The following H2AC6 variants were observed in gnomAD, a reference collection of about 807,000 sequenced individuals.
H2AC6 encodes histone H2A type 1-C.
H2AC6 carries 5 observed loss-of-function variants against 6.8 expected under a neutral mutation model. That is an observed-to-expected ratio of 0.73 (90% CI 0.38 to 1.54). The LOEUF (loss-of-function observed/expected upper bound fraction) is 1.54, where lower values mean the gene tolerates loss of function less well. Ranked by LOEUF, H2AC6 falls within the 40% of genes most tolerant of loss-of-function variation. The pLI is 0.03. For missense variants in H2AC6, 154 were observed against 180.7 expected, an observed-to-expected ratio of 0.85 and a Z score of 0.85; for synonymous variants, 146 against 79.2, an observed-to-expected ratio of 1.84 and a Z score of -4.48.
rs755055774 is a variant in H2AC6 at position 26,124,529 on chromosome 6, C to T, written c.297C>T (p.Gly99=). The T allele has an allele frequency of 3.7e-6, 6 of 1,614,226 alleles. No individual in the cohort carries two copies. Among genetic ancestry groups the T allele is most frequent in the East Asian group, 2.2e-5 (1 of 44,886 alleles). ...RNDEELNKLL[G]RVTIAQGGVL... is the part of the protein sequence containing the mutation. ...ACGAGGAGCTCAACAAACTGCTAGG[C>T]CGGGTGACCATTGCTCAGGGCGGCG... The change falls in exon 1 of 1, where the codon GGC becomes GGT. Residue 99 remains glycine, a synonymous_variant. Coordinates refer to ENST00000377791, the MANE Select transcript of H2AC6 (RefSeq NM_003512.4).
In H2AC6 at chr6:26,124,666, A is replaced by G. The variant is rs1210310331; in HGVS notation, c.*41A>G. On this transcript the variant is annotated 3_prime_UTR_variant, in exon 1 of 1. Transcript: ENST00000377791. The stretch of plus-strand genomic sequence containing the variant: ...AGCTCCCGGAAACGCTATCAAACCC[A>G]AAGGCTCTTTTCAGAGCCCCCCTAC... The G allele has an allele frequency of 6.3e-7, 1 of 1,590,732 alleles. No individual in the cohort carries two copies. Among genetic ancestry groups the G allele is most frequent in the Non-Finnish European group, 8.6e-7 (1 of 1,166,192 alleles).
rs1441120045 is a variant in H2AC6, at chr6:26,124,174, TTTTG to T, written c.-51_-48del. 3.9e-6 allele frequency: 6 copies of T among 1,523,916 alleles called. No individual in the cohort carries two copies. Among genetic ancestry groups the T allele is most frequent in the African/African-American group, 1.4e-5 (1 of 71,870 alleles). The allele number at this position is 1,523,916 out of a possible 1,614,324, so 94.4% of individuals were successfully genotyped here. A position where few individuals can be genotyped will look rare whatever the true frequency, so the allele number is the denominator to read the frequency against. Reference sequence around the variant, plus strand: ...CGGCCATGTTTTACATATTTCTTGATTTTGTTTGTTTTCTCGTGAGCTTAGGCCG... The same window carrying T: ...CGGCCATGTTTTACATATTTCTTGATTTTGTTTTCTCGTGAGCTTAGGCCG... On this transcript the variant is annotated 5_prime_UTR_variant, in exon 1 of 1. Coordinates refer to ENST00000377791, the MANE Select transcript of H2AC6 (RefSeq NM_003512.4).
Position 26,124,199 on chromosome 6 carries a change from G to T in H2AC6, c.-34G>T. ...TTTTGTTTGTTTTCTCGTGAGCTTA[G>T]GCCGCTGGTTTTGGTGATTTTTGTC... On this transcript the variant is annotated 5_prime_UTR_variant, in exon 1 of 1. It adds an upstream start codon to the 5' untranslated region. Coordinates refer to ENST00000377791, the MANE Select transcript of H2AC6 (RefSeq NM_003512.4). 4.5e-6 allele frequency: 7 copies of T among 1,549,498 alleles called. No individual in the cohort carries two copies. The highest frequency in any genetic ancestry group is 6.1e-6 in the Non-Finnish European group (7 of 1,149,942).
rs1279514390 is a variant in H2AC6 at position 26,124,271 on chromosome 6, C to G, written c.39C>G (p.Ala13=). The change falls in exon 1 of 1, where the codon GCC becomes GCG. Residue 13 remains alanine (A), a synonymous_variant. Transcript: ENST00000377791. The part of the protein sequence containing the change: ...GRGKQGGKAR[A]KAKSRSSRAG... Reference sequence around the variant, plus strand: ...GTAAGCAAGGAGGCAAAGCTCGCGCCAAAGCGAAATCCCGCTCTTCTCGCG... The same window carrying G: ...GTAAGCAAGGAGGCAAAGCTCGCGCGAAAGCGAAATCCCGCTCTTCTCGCG... 1.2e-6 allele frequency: 2 copies of G among 1,607,822 alleles called. No homozygotes were observed. The highest frequency in any genetic ancestry group is 2.7e-5 in the African/African-American group (2 of 74,668).
chr6:26,124,574 C>A lies in H2AC6; in HGVS notation c.342C>A (p.Ala114=). Residue 114 remains alanine, a synonymous_variant, in exon 1 of 1, where the codon GCC becomes GCA. Transcript: ENST00000377791. ...GCGGCGTCCTTCCTAACATCCAGGC[C>A]GTGCTTCTGCCTAAGAAGACCGAGA... is the stretch of plus-strand genomic sequence containing the variant. ...AQGGVLPNIQ[A]VLLPKKTESH... is the part of the protein sequence containing the mutation. The A allele has an allele frequency of 6.2e-7, 1 of 1,614,180 alleles. No homozygotes were observed. The highest frequency in any genetic ancestry group is 8.5e-7 in the Non-Finnish European group (1 of 1,180,020).
chr6:26,124,317 G>A lies in H2AC6; in HGVS notation c.85G>A (p.Gly29Ser). 1 of 1,613,814 alleles carries A rather than the reference G, an allele frequency of 6.2e-7. No homozygotes were observed. Among genetic ancestry groups the A allele is most frequent in the South Asian group, 1.1e-5 (1 of 91,062 alleles). Residue 29 changes from glycine (G) to serine (S), a missense_variant, in exon 1 of 1, where the codon GGC becomes AGC. By Grantham distance (56) the Gly-to-Ser change is moderately conservative. Around this residue, in one of 2 missense-constraint regions of H2AC6, gnomAD observed 111 missense variants for 91.9 expected, o/e 1.21. Coordinates refer to ENST00000377791, the MANE Select transcript of H2AC6 (RefSeq NM_003512.4). ...TCGCGCTGGTCTCCAGTTCCCGGTG[G>A]GCCGAGTGCACCGCCTGCTCCGTAA... ...SSRAGLQFPV[G>S]RVHRLLRKGN...
rs374937474 is a variant in H2AC6 at position 26,124,200 on chromosome 6, G to C, written c.-33G>C. 2.6e-6 allele frequency: 4 copies of C among 1,549,818 alleles called. No homozygotes were observed. The highest frequency in any genetic ancestry group is 4.1e-5 in the Admixed American group (2 of 49,284). Reference sequence around the variant, plus strand: ...TTTGTTTGTTTTCTCGTGAGCTTAGGCCGCTGGTTTTGGTGATTTTTGTCT... The same window carrying C: ...TTTGTTTGTTTTCTCGTGAGCTTAGCCCGCTGGTTTTGGTGATTTTTGTCT... On this transcript the variant is annotated 5_prime_UTR_variant, in exon 1 of 1. Coordinates refer to ENST00000377791, the MANE Select transcript of H2AC6 (RefSeq NM_003512.4).
Position 26,124,659 on chromosome 6 carries a change from C to T in H2AC6, c.*34C>T. 1 of 1,597,912 alleles carries T rather than the reference C, an allele frequency of 6.3e-7. No homozygotes were observed. The highest frequency in any genetic ancestry group is 8.5e-7 in the Non-Finnish European group (1 of 1,170,018). On this transcript the variant is annotated 3_prime_UTR_variant, in exon 1 of 1. Transcript: ENST00000377791. Reference sequence around the variant, plus strand: ...GTATCTGAGCTCCCGGAAACGCTATCAAACCCAAAGGCTCTTTTCAGAGCC... The same window carrying T: ...GTATCTGAGCTCCCGGAAACGCTATTAAACCCAAAGGCTCTTTTCAGAGCC...
At position 26,124,339 on chromosome 6, in the gene H2AC6, G is replaced by C; in HGVS notation, c.107G>C (p.Arg36Pro). ...GTGGGCCGAGTGCACCGCCTGCTCC[G>C]TAAAGGCAACTACGCAGAGCGGGTT... is the stretch of plus-strand genomic sequence containing the variant. ...FPVGRVHRLL[R>P]KGNYAERVGA... is the part of the protein sequence containing the mutation. Residue 36 changes from arginine to proline, a missense_variant, in exon 1 of 1, where the codon CGT becomes CCT. Physicochemically the swap from Arg to Pro is moderately radical, Grantham distance 103. Coordinates refer to ENST00000377791, the MANE Select transcript of H2AC6 (RefSeq NM_003512.4). The C allele has an allele frequency of 1.2e-6, 2 of 1,614,084 alleles. No homozygotes were observed. Among genetic ancestry groups the C allele is most frequent in the Non-Finnish European group, 1.7e-6 (2 of 1,179,982 alleles).
chr6:26,124,388 G>GT lies in H2AC6; in HGVS notation c.156_157insT (p.Ala53CysfsTer59). On this transcript the variant is annotated frameshift_variant, in exon 1 of 1. Coordinates refer to ENST00000377791, the MANE Select transcript of H2AC6 (RefSeq NM_003512.4). LOFTEE classifies it high-confidence loss of function. ...TTGGGGCAGGCGCGCCGGTGTACCT[G>GT]GCGGCGGTGTTAGAGTACCTGACCG... 1 of 1,614,154 alleles carries GT rather than the reference G, an allele frequency of 6.2e-7. No homozygotes were observed. Among genetic ancestry groups the GT allele is most frequent in the Non-Finnish European group, 8.5e-7 (1 of 1,180,016 alleles).
At position 26,124,257 on chromosome 6, in the gene H2AC6, G is replaced by A. The variant is rs1763580001; in HGVS notation, c.25G>A (p.Gly9Ser). MSGRGKQG[G>S]KARAKAKSRS... is the part of the protein sequence containing the mutation. Reference sequence around the variant, plus strand: ...AATGTCTGGACGTGGTAAGCAAGGAGGCAAAGCTCGCGCCAAAGCGAAATC... The same window carrying A: ...AATGTCTGGACGTGGTAAGCAAGGAAGCAAAGCTCGCGCCAAAGCGAAATC... Residue 9 changes from glycine to serine, a missense_variant, in exon 1 of 1, where the codon GGC becomes AGC. By Grantham distance (56) the Gly-to-Ser change is moderately conservative (BLOSUM62 0). This residue lies in a region of H2AC6 where 111 missense variants were observed against 91.9 expected (regional missense o/e 1.21). Transcript: ENST00000377791. 1.2e-6 allele frequency: 2 copies of A among 1,603,126 alleles called. No individual in the cohort carries two copies. The highest frequency in any genetic ancestry group is 1.1e-5 in the South Asian group (1 of 89,510).
At position 26,124,356 on chromosome 6, in the gene H2AC6, G is replaced by C. The variant is rs1185622425; in HGVS notation, c.124G>C (p.Glu42Gln). 1 of 1,614,154 alleles carries C rather than the reference G, an allele frequency of 6.2e-7. No individual in the cohort carries two copies. The highest frequency in any genetic ancestry group is 8.5e-7 in the Non-Finnish European group (1 of 1,180,022). The stretch of plus-strand genomic sequence containing the variant: ...CCTGCTCCGTAAAGGCAACTACGCA[G>C]AGCGGGTTGGGGCAGGCGCGCCGGT... ...HRLLRKGNYA[E>Q]RVGAGAPVYL... The change falls in exon 1 of 1, where the codon GAG (glutamate) becomes CAG (glutamine). Residue 42 changes from glutamate (E) to glutamine (Q), a missense_variant. By Grantham distance (29) the Glu-to-Gln change is conservative (BLOSUM62 2). This residue lies in a region of H2AC6 where 111 missense variants were observed against 91.9 expected (regional missense o/e 1.21). Transcript: ENST00000377791.
Position 26,124,568 on chromosome 6 carries a change from C to A in H2AC6, c.336C>A (p.Ile112=). 6.2e-7 allele frequency: 1 copy of A among 1,614,210 alleles called. No individual in the cohort carries two copies. Among genetic ancestry groups the A allele is most frequent in the Non-Finnish European group, 8.5e-7 (1 of 1,180,022 alleles). Residue 112 remains isoleucine, a synonymous_variant, in exon 1 of 1, where the codon ATC becomes ATA. Transcript: ENST00000377791. ...TIAQGGVLPN[I]QAVLLPKKTE... ...CTCAGGGCGGCGTCCTTCCTAACAT[C>A]CAGGCCGTGCTTCTGCCTAAGAAGA...
In H2AC6 at chr6:26,124,602, C is replaced by T; in HGVS notation, c.370C>T (p.His124Tyr). The change falls in exon 1 of 1, where the codon CAC becomes TAC. Residue 124 changes from histidine to tyrosine, a missense_variant. Around this residue, in one of 2 missense-constraint regions of H2AC6, gnomAD observed 43 missense variants for 88.7 expected, o/e 0.48. Coordinates refer to ENST00000377791, the MANE Select transcript of H2AC6 (RefSeq NM_003512.4). ...AVLLPKKTES[H>Y]HKAKGK Reference sequence around the variant, plus strand: ...GCTTCTGCCTAAGAAGACCGAGAGTCACCACAAGGCCAAGGGCAAGTGATT... The same window carrying T: ...GCTTCTGCCTAAGAAGACCGAGAGTTACCACAAGGCCAAGGGCAAGTGATT... 6.2e-7 allele frequency: 1 copy of T among 1,614,020 alleles called. No homozygotes were observed. Among genetic ancestry groups the T allele is most frequent in the South Asian group, 1.1e-5 (1 of 91,074 alleles).
At position 26,124,190 on chromosome 6, in the gene H2AC6, G is replaced by T; in HGVS notation, c.-43G>T. The stretch of plus-strand genomic sequence containing the variant: ...ATTTCTTGATTTTGTTTGTTTTCTC[G>T]TGAGCTTAGGCCGCTGGTTTTGGTG... On this transcript the variant is annotated 5_prime_UTR_variant, in exon 1 of 1. Transcript: ENST00000377791. The T allele has an allele frequency of 6.5e-7, 1 of 1,531,694 alleles. No individual in the cohort carries two copies. The highest frequency in any genetic ancestry group is 8.8e-7 in the Non-Finnish European group (1 of 1,142,828). 94.9% of individuals were successfully genotyped at this position (1,531,694 alleles called of 1,614,324 possible). A position where few individuals can be genotyped will look rare whatever the true frequency, so the allele number is the denominator to read the frequency against.
chr6:26,124,277 G>T lies in H2AC6; in HGVS notation c.45G>T (p.Ala15=). ...AAGGAGGCAAAGCTCGCGCCAAAGC[G>T]AAATCCCGCTCTTCTCGCGCTGGTC... ...GKQGGKARAK[A]KSRSSRAGLQ... is the part of the protein sequence containing the mutation. Residue 15 remains alanine (A), a synonymous_variant, in exon 1 of 1, where the codon GCG becomes GCT. Coordinates refer to ENST00000377791, the MANE Select transcript of H2AC6 (RefSeq NM_003512.4). 6.2e-7 allele frequency: 1 copy of T among 1,609,698 alleles called. No individual in the cohort carries two copies. The highest frequency in any genetic ancestry group is 2.2e-5 in the East Asian group (1 of 44,864).
rs368501447 is a variant in H2AC6, at chr6:26,124,195, C to T, written c.-38C>T. The T allele has an allele frequency of 4.1e-5, 63 of 1,548,132 alleles. No homozygotes were observed. Among genetic ancestry groups the T allele is most frequent in the South Asian group, 3.9e-4 (31 of 80,250 alleles). The stretch of plus-strand genomic sequence containing the variant: ...TTGATTTTGTTTGTTTTCTCGTGAG[C>T]TTAGGCCGCTGGTTTTGGTGATTTT... On this transcript the variant is annotated 5_prime_UTR_variant, in exon 1 of 1. Coordinates refer to ENST00000377791, the MANE Select transcript of H2AC6 (RefSeq NM_003512.4).
chr6:26,124,178 G>T lies in H2AC6; in HGVS notation c.-55G>T, dbSNP rs999123420. On this transcript the variant is annotated 5_prime_UTR_variant, in exon 1 of 1. Coordinates refer to ENST00000377791, the MANE Select transcript of H2AC6 (RefSeq NM_003512.4). Reference sequence around the variant, plus strand: ...CATGTTTTACATATTTCTTGATTTTGTTTGTTTTCTCGTGAGCTTAGGCCG... The same window carrying T: ...CATGTTTTACATATTTCTTGATTTTTTTTGTTTTCTCGTGAGCTTAGGCCG... 6.6e-7 allele frequency: 1 copy of T among 1,526,252 alleles called. No homozygotes were observed. The highest frequency in any genetic ancestry group is 1.4e-5 in the African/African-American group (1 of 71,876). 94.5% of individuals were successfully genotyped at this position (1,526,252 alleles called of 1,614,324 possible).
In H2AC6 at chr6:26,124,276, C is replaced by T; in HGVS notation, c.44C>T (p.Ala15Val). The T allele has an allele frequency of 1.2e-6, 2 of 1,609,204 alleles. No homozygotes were observed. The highest frequency in any genetic ancestry group is 1.1e-5 in the South Asian group (1 of 90,634). ...CAAGGAGGCAAAGCTCGCGCCAAAG[C>T]GAAATCCCGCTCTTCTCGCGCTGGT... is the stretch of plus-strand genomic sequence containing the variant. ...GKQGGKARAK[A>V]KSRSSRAGLQ... Residue 15 changes from alanine (A) to valine (V), a missense_variant, in exon 1 of 1, where the codon GCG (alanine) becomes GTG (valine). Coordinates refer to ENST00000377791, the MANE Select transcript of H2AC6 (RefSeq NM_003512.4).
Sources: allele counts gnomAD v4.1 joint callset, GRCh38; gene constraint gnomAD v4.1.1; regional missense constraint gnomAD v4.1.1; transcripts MANE v1.5; gene names NCBI Gene and HGNC (gene_info 2026-07-23, HGNC 2026-07-21).